The following RAD54L2 variants were observed in gnomAD, a reference collection of about 807,000 sequenced individuals.
The protein encoded by RAD54L2 is RAD54 like 2.
Under a neutral mutation model 138.4 loss-of-function variants are expected in RAD54L2, and 27 were observed. That is an observed-to-expected ratio of 0.20 (90% CI 0.14 to 0.27). The LOEUF is 0.27. Ranked by LOEUF, RAD54L2 falls within the 10% of genes least tolerant of loss-of-function variation. RAD54L2 has a pLI of 1.00. For synonymous variants in RAD54L2, 644 were observed against 723.2 expected, an observed-to-expected ratio of 0.89 and a Z score of 1.76; for missense variants, 1,396 against 1,890.2, an observed-to-expected ratio of 0.74 and a Z score of 4.85.
At chr3:51,620,096 A>AT (rs1700535035) in intron 3 of RAD54L2, among the ~76,000 whole-genome samples, 1 of 150,408 alleles carries the variant, frequency 6.6e-6, no homozygotes, top group Admixed American at 6.6e-5. Context: ...TTTTTTTTTC[A>AT]TTTTTTTGTT....
Position 51,587,257 on chromosome 3 carries a change from C to T in RAD54L2, c.-54-3110C>T, listed in dbSNP as rs376412427. Among the ~76,000 whole-genome samples the T allele has an allele frequency of 1.2e-4, 18 of 152,166 alleles. No individual in the cohort carries two copies. In the East Asian group the frequency reaches 1.4e-3, roughly 11 times the overall value. ...CTGGGACTACAGGCGCCCGCCACCA[C>T]GCCCGGCTAATTTTTTGTATTTTTT... On this transcript the variant is annotated intron_variant, in intron 2 of 22. Coordinates refer to ENST00000684192, the MANE Select transcript of RAD54L2 (RefSeq NM_015106.4).
At chr3:51,564,689 G>C (rs770070065) in intron 2 of RAD54L2, among the ~76,000 whole-genome samples, 3 of 152,198 alleles carry the variant, frequency 2.0e-5, no homozygotes, top group Non-Finnish European at 4.4e-5. Context: ...GGCTGAGGTG[G>C]GTGGATGGCT....
chr3:51,580,452 C>A (rs1053257154), intron 2 of RAD54L2, among the ~76,000 whole-genome samples: 1 of 152,162 alleles, frequency 6.6e-6, no homozygotes, highest in African/African-American at 2.4e-5. Flanking sequence ...GCCCCCACAA[C>A]CCTACTTCTT....
At chr3:51,583,723 G>C (rs967126060) in intron 2 of RAD54L2, among the ~76,000 whole-genome samples, 2 of 151,638 alleles carry the variant, frequency 1.3e-5, no homozygotes, top group Admixed American at 1.3e-4. Context: ...CACCACGCCC[G>C]GCCGACAAGT....
chr3:51,618,106 G>A (rs938128185), intron 3 of RAD54L2, among the ~76,000 whole-genome samples: 12 of 150,104 alleles, frequency 8.0e-5, no homozygotes, highest in African/African-American at 2.7e-4. Context: ...CTACAGGCAC[G>A]TGCCACCATG....
At chr3:51,582,375 C>A (rs925670339) in intron 2 of RAD54L2, among the ~76,000 whole-genome samples, 2 of 72,284 alleles carry the variant, frequency 2.8e-5, no homozygotes, top group African/African-American at 7.8e-5. Context: ...ATCCAGAGAT[C>A]TTATTTTTTT....
At chr3:51,571,661 C>A (rs1208531624) in intron 2 of RAD54L2, among the ~76,000 whole-genome samples, 1 of 152,054 alleles carries the variant, frequency 6.6e-6, no homozygotes, top group Admixed American at 6.6e-5. Flanking sequence ...AACCACCATG[C>A]CTGTCCTCAA....
intron 7 of RAD54L2, among the ~76,000 whole-genome samples, chr3:51,631,390 A>C (rs1451823966): frequency 6.6e-6 from 1 of 150,982 alleles, no homozygotes; most frequent in Non-Finnish European, 1.5e-5. Flanking sequence ...CCATGAAGAC[A>C]GACATTGACT....
Position 51,634,003 on chromosome 3 carries a change from C to G in RAD54L2, c.1110C>G (p.Phe370Leu). 1 of 1,613,878 alleles carries G rather than the reference C, an allele frequency of 6.2e-7. No homozygotes were observed. Among genetic ancestry groups the G allele is most frequent in the South Asian group, 1.1e-5 (1 of 91,070 alleles). Residue 370 changes from phenylalanine (F) to leucine (L), a missense_variant, in exon 9 of 23, where the codon TTC becomes TTG. Around this residue, in one of 7 missense-constraint regions of RAD54L2, gnomAD observed 169 missense variants for 235.6 expected, o/e 0.72. Transcript: ENST00000684192. ...AGCCTGAAGAAGTCCAGCCTCGGTT[C>G]TTTAAAGTTCACATCTTGAATGATG... The part of the protein sequence containing the change: ...DNKPEEVQPR[F>L]FKVHILNDEH...
At position 51,637,921 on chromosome 3, in the gene RAD54L2, A is replaced by G. The variant is rs1701027048; in HGVS notation, c.1683-223A>G. On this transcript the variant is annotated intron_variant, in intron 11 of 22. Coordinates refer to ENST00000684192, the MANE Select transcript of RAD54L2 (RefSeq NM_015106.4). This position sits in a 1 kb window ranked among gnomAD's most constrained non-coding sequence, Gnocchi z 5.9. ...TCCCCTGTCTCTGTCATGCAGTCAG[A>G]CTTGACCTGGGACAGGTCACTCTGC... Among the ~76,000 whole-genome samples the G allele has an allele frequency of 6.6e-6, 1 of 152,252 alleles. No individual in the cohort carries two copies. Among genetic ancestry groups the G allele is most frequent in the African/African-American group, 2.4e-5 (1 of 41,466 alleles).
chr3:51,636,993 T>A, intron 10 of RAD54L2, 168 bp from the exon 11 acceptor site: 1 of 624,570 alleles, frequency 1.6e-6, no homozygotes, highest in Non-Finnish European at 2.8e-6. Flanking sequence ...ATACCAGTCA[T>A]ATCCAGGAGC....
Position 51,645,761 on chromosome 3 carries a change from A to G in RAD54L2, c.2827A>G (p.Lys943Glu), listed in dbSNP as rs1320482995. Residue 943 changes from lysine to glutamate, a missense_variant and splice_region_variant, in exon 18 of 23, where the codon AAG becomes GAG. Physicochemically the swap from Lys to Glu is moderately conservative, Grantham distance 56. This residue lies in a region of RAD54L2 where 634 missense variants were observed against 711.2 expected (regional missense o/e 0.89). Transcript: ENST00000684192. This position sits in a 1 kb window ranked among gnomAD's most constrained non-coding sequence, Gnocchi z 6.1. ...TCTGAAGTACCCTCACCTCATCACC[A>G]AGGTAAGAACTTGGTATGCATGCAA... The part of the protein sequence containing the change: ...ACLKYPHLIT[K>E]EPFEHESLLL... 7 of 1,608,410 alleles carry G rather than the reference A, an allele frequency of 4.4e-6. No homozygotes were observed. Among genetic ancestry groups the G allele is most frequent in the Non-Finnish European group, 5.9e-6 (7 of 1,177,912 alleles).
chr3:51,555,291 C>G (rs1361766618), intron 2 of RAD54L2, among the ~76,000 whole-genome samples: 2 of 152,044 alleles, frequency 1.3e-5, no homozygotes, highest in African/African-American at 2.4e-5. Context: ...TTCACAGATA[C>G]TGAGATGATG....
intron 14 of RAD54L2, 98 bp from the exon 15 acceptor site, chr3:51,641,651 G>T (rs1035172892): frequency 5.3e-6 from 4 of 750,308 alleles, no homozygotes; most frequent in Non-Finnish European, 8.8e-6. Context: ...GGTTGTGGGA[G>T]CTCCCATTGT....
rs1483725082 is a variant in RAD54L2 at position 51,663,534 on chromosome 3, A to T, written c.*114A>T. 4 of 1,101,414 alleles carry T rather than the reference A, an allele frequency of 3.6e-6. No homozygotes were observed. The Admixed American group carries it at 1.3e-4, about 35-fold the overall frequency. The allele number at this position is 1,101,414 out of a possible 1,614,324, so 68.2% of individuals were successfully genotyped here. A position where few individuals can be genotyped will look rare whatever the true frequency, so the allele number is the denominator to read the frequency against. ...ACACTTGGCAGGAGGGAAAAGGAAG[A>T]GGACAAAGGAGGGTGGTTGGCCAAA... On this transcript the variant is annotated 3_prime_UTR_variant, in exon 23 of 23. Transcript: ENST00000684192.
intron 22 of RAD54L2, among the ~76,000 whole-genome samples, chr3:51,661,933 A>C (rs1225161523): frequency 6.6e-6 from 1 of 152,178 alleles, no homozygotes; most frequent in Non-Finnish European, 1.5e-5. Flanking sequence ...TATTACACTA[A>C]AAAAAGCTAA....
chr3:51,568,619 G>C (rs1699269049), intron 2 of RAD54L2, among the ~76,000 whole-genome samples: 1 of 152,112 alleles, frequency 6.6e-6, no homozygotes, highest in African/African-American at 2.4e-5. Context: ...GCAGGGATTT[G>C]GGGTTTAATT....
At chr3:51,601,856 T>G (rs191551590) in intron 3 of RAD54L2, among the ~76,000 whole-genome samples, 2 of 152,138 alleles carry the variant, frequency 1.3e-5, no homozygotes, top group Admixed American at 6.5e-5. Flanking sequence ...TTTTTTTGTT[T>G]TTTTGTTGTT....
chr3:51,589,924 G>A (rs1032668840), intron 2 of RAD54L2, among the ~76,000 whole-genome samples: 1 of 152,156 alleles, frequency 6.6e-6, no homozygotes, highest in Non-Finnish European at 1.5e-5. Context: ...CATAGGGAAG[G>A]TGGTGATTTG....
Sources: allele counts gnomAD v4.1 joint callset (sites outside exome capture counted in the v4.1 genomes callset), GRCh38; gene constraint gnomAD v4.1.1; regional missense constraint gnomAD v4.1.1; non-coding constraint Gnocchi (gnomAD v3.1); transcripts MANE v1.5; gene names NCBI Gene and HGNC (gene_info 2026-07-23, HGNC 2026-07-21).